TG: variants seen among roughly 807,000 people sequenced by gnomAD.
TG encodes the protein thyroid hormones.
Under a neutral mutation model 324.7 loss-of-function variants are expected in TG, and 270 were observed. The ratio of observed to expected loss-of-function variants is 0.83; its 90% CI spans 0.75 to 0.92. TG has a LOEUF of 0.92. TG is among the 40% of genes least tolerant of loss of function. The pLI is 0.00. For synonymous variants in TG, 1,401 were observed against 1,327.0 expected, an observed-to-expected ratio of 1.06 and a Z score of -1.21; for missense variants, 3,591 against 3,456.4, an observed-to-expected ratio of 1.04 and a Z score of -0.98.
chr8:132,944,708 G>T (rs1824975275), intron 26 of TG, among the ~76,000 whole-genome samples: 1 of 152,178 alleles, frequency 6.6e-6, no homozygotes, highest in Non-Finnish European at 1.5e-5. Context: ...CAGGTCCAGA[G>T]GGAGAAAAGG....
At chr8:132,873,499 A>G (rs528243871) in intron 5 of TG, among the ~76,000 whole-genome samples, 1 of 152,308 alleles carries the variant, frequency 6.6e-6, no homozygotes, top group Non-Finnish European at 1.5e-5. Flanking sequence ...CTACTACATC[A>G]TTTTTCATTG....
At chr8:132,962,838 G>C (rs1188466734) in intron 28 of TG, among the ~76,000 whole-genome samples, 156 bp from the exon 29 acceptor site, 1 of 152,214 alleles carries the variant, frequency 6.6e-6, no homozygotes, top group Non-Finnish European at 1.5e-5. Flanking sequence ...ATATAAAAAA[G>C]AGTGCAGATC....
rs58751489 is a variant in TG, at chr8:132,957,766, C to CACACACACACAGACAG, written c.5402-3231_5402-3230insGACAGACACACACACA. 2.0e-3 allele frequency among the ~76,000 whole-genome samples: 284 copies of CACACACACACAGACAG among 145,584 alleles called. 5 individuals carry two copies. The highest frequency in any genetic ancestry group is 6.6e-3 in the African/African-American group (259 of 39,242). ...CTACACACACACACACACACACACACACACACACACACACACACGTATGTA... is the reference window on the plus strand; with the variant it reads ...CTACACACACACACACACACACACACACACACACACAGACAGACACACACACACACACACGTATGTA... On this transcript the variant is annotated intron_variant, in intron 27 of 47. Transcript: ENST00000220616.
chr8:133,064,922 T>C (rs1269870343), intron 41 of TG, among the ~76,000 whole-genome samples: 1 of 151,928 alleles, frequency 6.6e-6, no homozygotes, highest in African/African-American at 2.4e-5. Context: ...GGGAGACAAA[T>C]TGAGGAAGTC....
chr8:133,063,190 CTG>C (rs1842621137), intron 41 of TG, among the ~76,000 whole-genome samples: 1 of 151,934 alleles, frequency 6.6e-6, no homozygotes, highest in African/African-American at 2.4e-5. Context: ...GACTCATCAA[CTG>C]TCATTCAACA....
At position 133,030,028 on chromosome 8, in the gene TG, G is replaced by A. The variant is rs1836475026; in HGVS notation, c.7239+5G>A. On this transcript the variant is annotated splice_donor_5th_base_variant and intron_variant, in intron 41 of 47. Coordinates refer to ENST00000220616, the MANE Select transcript of TG (RefSeq NM_003235.5). ...TTCCGGAGAGCTGTGCTGATGGTAA[G>A]TGGTGTGTGTTCTACCTTCAGTCTT... 6 of 1,614,110 alleles carry A rather than the reference G, an allele frequency of 3.7e-6. No individual in the cohort carries two copies. In the Middle Eastern group the frequency reaches 4.9e-4, roughly 133 times the overall value.
intron 26 of TG, among the ~76,000 whole-genome samples, chr8:132,946,441 C>T (rs1274628962): frequency 2.0e-5 from 3 of 152,120 alleles, no homozygotes; most frequent in East Asian, 1.9e-4. Context: ...CATAAAGTAT[C>T]GGGCAGATGT....
chr8:133,075,268 T>C (rs888909738), intron 41 of TG: 3 of 315,458 alleles, frequency 9.5e-6, no homozygotes, highest in Non-Finnish European at 1.4e-5. Context: ...GTGAATTTGC[T>C]CTTGTACATC....
chr8:132,982,187 A>G (rs1830949624), intron 34 of TG, among the ~76,000 whole-genome samples: 2 of 152,196 alleles, frequency 1.3e-5, no homozygotes, highest in African/African-American at 4.8e-5. Context: ...TTTATAGACA[A>G]GGAAACTGAG....
intron 41 of TG, among the ~76,000 whole-genome samples, chr8:133,071,345 G>C (rs2131430902): frequency 6.6e-6 from 1 of 152,322 alleles, no homozygotes; most frequent in East Asian, 1.9e-4. Flanking sequence ...GGTGGTACTG[G>C]AATCCAGGCA....
chr8:132,962,864 G>GT, intron 28 of TG, 130 bp from the exon 29 acceptor site: 1 of 809,960 alleles, frequency 1.2e-6, no homozygotes, highest in Non-Finnish European at 2.2e-6. Flanking sequence ...CAGGGCATCT[G>GT]TTGCAGATCT....
At chr8:132,966,840 A>G (rs1013216241) in intron 30 of TG, 143 bp downstream of exon 30, 5 of 1,005,908 alleles carry the variant, frequency 5.0e-6, no homozygotes, top group Non-Finnish European at 7.7e-6. Context: ...TAAAAGAAAG[A>G]TAGCACATAA....
chr8:132,885,132 G>A (rs530487151), intron 8 of TG, among the ~76,000 whole-genome samples: 1 of 150,384 alleles, frequency 6.6e-6, no homozygotes, highest in Non-Finnish European at 1.5e-5. Context: ...TAAAAGTTGG[G>A]GGGGGGGCGT....
chr8:132,900,654 G>C (rs188700245), intron 15 of TG, among the ~76,000 whole-genome samples: 2 of 152,218 alleles, frequency 1.3e-5, no homozygotes, highest in African/African-American at 4.8e-5. Flanking sequence ...TGGCCCTGCC[G>C]TCTGGTTTCC....
At chr8:133,093,833 A>G (rs1847970556) in intron 41 of TG, among the ~76,000 whole-genome samples, 1 of 152,188 alleles carries the variant, frequency 6.6e-6, no homozygotes, top group South Asian at 2.1e-4. Flanking sequence ...CTGCCTCCTA[A>G]CATAACTGTT....
rs1183659265 is a variant in TG at position 132,887,501 on chromosome 8, G to A, written c.2129G>A (p.Gly710Asp). 6.2e-7 allele frequency: 1 copy of A among 1,614,192 alleles called. No individual in the cohort carries two copies. The highest frequency in any genetic ancestry group is 1.1e-5 in the South Asian group (1 of 91,078). Residue 710 changes from glycine to aspartate, a missense_variant, in exon 9 of 48, where the codon GGT becomes GAT. By Grantham distance (94) the Gly-to-Asp change is moderately conservative. Transcript: ENST00000220616. ...GAGTGCTACTGTGTTGATGCTGAGG[G>A]TCAGGCCATTCCTGGAACTCGAAGT... is the stretch of plus-strand genomic sequence containing the variant. ...NSECYCVDAE[G>D]QAIPGTRSAI...
In TG at chr8:132,955,287, G is replaced by A. The variant is rs529144711; in HGVS notation, c.5402-5721G>A. On this transcript the variant is annotated intron_variant, in intron 27 of 47. Transcript: ENST00000220616. ...TTAGCAAACAGGCCCAGAAACTGTC[G>A]CAACCTGTCACCTGTTCAGTGGCCC... 7.2e-5 allele frequency among the ~76,000 whole-genome samples: 11 copies of A among 152,254 alleles called. No homozygotes were observed. In the South Asian group the frequency reaches 1.5e-3, roughly 20 times the overall value.
intron 28 of TG, among the ~76,000 whole-genome samples, 161 bp from the exon 29 acceptor site, chr8:132,962,829 TATAA>T (rs1827954059): frequency 6.6e-6 from 1 of 152,224 alleles, no homozygotes; most frequent in Non-Finnish European, 1.5e-5. Context: ...TGATGTTCCA[TATAA>T]AAAAGAGTGC....
At chr8:132,884,707 T>C (rs1225986848) in intron 8 of TG, among the ~76,000 whole-genome samples, 1 of 152,224 alleles carries the variant, frequency 6.6e-6, no homozygotes, top group Non-Finnish European at 1.5e-5. Context: ...GAACTATGGC[T>C]TTCCAAATTA....
Sources: gnomAD v4.1 joint callset for allele counts (sites outside exome capture counted in the v4.1 genomes callset) on GRCh38, gnomAD v4.1.1 for gene constraint, MANE v1.5 for transcripts, NCBI Gene and HGNC (gene_info 2026-07-23, HGNC 2026-07-21) for gene names.